Variants in PNISR observed in about 807,000 individuals in gnomAD.
PNISR encodes the protein arginine/serine-rich protein PNISR.
PNISR carries 20 observed loss-of-function variants against 93.4 expected under a neutral mutation model. The observed-to-expected ratio is 0.21, with a 90% CI of 0.15 to 0.31. The LOEUF (loss-of-function observed/expected upper bound fraction) is 0.31. PNISR is among the 10% of genes least tolerant of loss of function. The pLI is 1.00. For synonymous variants in PNISR, 305 were observed against 306.5 expected, an observed-to-expected ratio of 0.99 and a Z score of 0.05; for missense variants, 893 against 985.4, an observed-to-expected ratio of 0.91 and a Z score of 1.25.
At position 99,410,785 on chromosome 6, in the gene PNISR, G is replaced by T; in HGVS notation, c.457C>A (p.Pro153Thr). 1 of 1,614,054 alleles carries T rather than the reference G, an allele frequency of 6.2e-7. No homozygotes were observed. Among genetic ancestry groups the T allele is most frequent in the Non-Finnish European group, 8.5e-7 (1 of 1,179,982 alleles). Residue 153 changes from proline to threonine, a missense_variant, in exon 5 of 12, where the codon CCC becomes ACC. Transcript: ENST00000369239. Reference sequence around the variant, plus strand: ...ACTGGCCCCACTGCAAAATTATCGGGTGGTCCACCAAAGTTGTGATTGTTC... The same window carrying T: ...ACTGGCCCCACTGCAAAATTATCGGTTGGTCCACCAAAGTTGTGATTGTTC... The part of the protein sequence containing the change: ...NQNNHNFGGP[P>T]DNFAVGPVNQ...
intron 8 of PNISR, among the ~76,000 whole-genome samples, 158 bp from the exon 9 acceptor site, chr6:99,404,860 C>T (rs1775955947): frequency 6.6e-6 from 1 of 152,006 alleles, no homozygotes; most frequent in Non-Finnish European, 1.5e-5. Flanking sequence ...CTCACTGCAA[C>T]CCCTACCTCC....
At chr6:99,402,824 A>G (rs1296108574) in intron 10 of PNISR, 114 bp from the exon 11 acceptor site, 29 of 756,998 alleles carry the variant, frequency 3.8e-5, no homozygotes, top group Admixed American at 2.7e-5. Flanking sequence ...TCCCAGAAGA[A>G]TACGCTTATT....
chr6:99,400,662 C>G lies in PNISR; in HGVS notation c.2296G>C (p.Gly766Arg). 2 of 1,613,944 alleles carry G rather than the reference C, an allele frequency of 1.2e-6. No individual in the cohort carries two copies. The highest frequency in any genetic ancestry group is 2.7e-5 in the African/African-American group (2 of 75,024). The change falls in exon 12 of 12, where the codon GGA (glycine) becomes CGA (arginine). Residue 766 changes from glycine to arginine, a missense_variant. Gly to Arg is a moderately radical substitution (Grantham distance 125, BLOSUM62 -2). Around this residue, in one of 3 missense-constraint regions of PNISR, gnomAD observed 866 missense variants for 935.1 expected, o/e 0.93. Coordinates refer to ENST00000369239, the MANE Select transcript of PNISR (RefSeq NM_032870.4). ...TTAGCCTTCTTTTCTTTGCTACTTC[C>G]TGGAGACTCAGAACTGCTCCTTCCA... ...SSGRSSSESP[G>R]SSKEKKAKKP... is the part of the protein sequence containing the mutation.
rs529110652 is a variant in PNISR, at chr6:99,399,300, G to T, written c.*1240C>A. 2 of 152,192 alleles carry T rather than the reference G, an allele frequency of 1.3e-5. No homozygotes were observed. Among genetic ancestry groups the T allele is most frequent in the Admixed American group, 6.5e-5 (1 of 15,294 alleles). 9.4% of individuals were successfully genotyped at this position (152,192 alleles called of 1,614,324 possible). A position where few individuals can be genotyped will look rare whatever the true frequency, so the allele number is the denominator to read the frequency against. On this transcript the variant is annotated 3_prime_UTR_variant, in exon 12 of 12. Coordinates refer to ENST00000369239, the MANE Select transcript of PNISR (RefSeq NM_032870.4). Reference sequence around the variant, plus strand: ...ATGCTTTGAGAGCCCCATTCTACTTGTAAGTTATCAATGCCTTAAACTGTT... The same window carrying T: ...ATGCTTTGAGAGCCCCATTCTACTTTTAAGTTATCAATGCCTTAAACTGTT...
chr6:99,416,170 T>C, intron 2 of PNISR, 179 bp downstream of exon 2: 2 of 383,358 alleles, frequency 5.2e-6, no homozygotes, highest in Non-Finnish European at 9.2e-6. Context: ...CTCTGTTCAG[T>C]GTTTCCTTCT....
At chr6:99,418,601 T>C (rs1272386415) in intron 1 of PNISR, among the ~76,000 whole-genome samples, 4 of 152,190 alleles carry the variant, frequency 2.6e-5, no homozygotes, top group African/African-American at 9.7e-5. Context: ...CCCCAAAGTT[T>C]TGATGGAAGC....
At chr6:99,413,391 TATCCATCCATCC>T (rs34008318) in intron 3 of PNISR, among the ~76,000 whole-genome samples, 1,640 of 149,614 alleles carry the variant, frequency 0.011, 13 homozygotes, top group Non-Finnish European at 0.015. Context: ...TTTACGTATC[TATCCATCCATCC>T]ATCCATCCAT....
Position 99,400,980 on chromosome 6 carries a change from C to T in PNISR, c.1978G>A (p.Ala660Thr), listed in dbSNP as rs769375358. The change falls in exon 12 of 12, where the codon GCT (alanine) becomes ACT (threonine). Residue 660 changes from alanine (A) to threonine (T), a missense_variant. By Grantham distance (58) the Ala-to-Thr change is moderately conservative. Coordinates refer to ENST00000369239, the MANE Select transcript of PNISR (RefSeq NM_032870.4). ...SGNSHKHKGEAKEQERKKERS... is the reference protein window; with the variant it reads ...SGNSHKHKGETKEQERKKERS... ...TCCTTTTTCCTCTCTTGTTCTTTAG[C>T]CTCACCTTTATGCTTATGACTGTTC... 1 of 1,611,826 alleles carries T rather than the reference C, an allele frequency of 6.2e-7. No individual in the cohort carries two copies. Among genetic ancestry groups the T allele is most frequent in the South Asian group, 1.1e-5 (1 of 91,014 alleles).
intron 6 of PNISR, among the ~76,000 whole-genome samples, chr6:99,408,613 A>G (rs1776452968): frequency 6.6e-6 from 1 of 152,230 alleles, no homozygotes; most frequent in South Asian, 2.1e-4. Context: ...TGTAAAAAGT[A>G]AAGATTTATT....
rs769571732 is a variant in PNISR, at chr6:99,408,298, A to G, written c.674-27T>C. 7.6e-6 allele frequency: 11 copies of G among 1,445,210 alleles called. No individual in the cohort carries two copies. In the East Asian group the frequency reaches 2.5e-4, roughly 33 times the overall value. 89.5% of individuals were successfully genotyped at this position (1,445,210 alleles called of 1,614,324 possible). Reference sequence around the variant, plus strand: ...TGTTTCACGTGGGAAAAATATACGCAAGTCAGTTAAGTAAAATATTTCTAC... The same window carrying G: ...TGTTTCACGTGGGAAAAATATACGCGAGTCAGTTAAGTAAAATATTTCTAC... On this transcript the variant is annotated intron_variant, in intron 6 of 11. Transcript: ENST00000369239.
intron 3 of PNISR, among the ~76,000 whole-genome samples, chr6:99,413,441 T>C (rs930842138): frequency 5.3e-5 from 8 of 151,524 alleles, no homozygotes; most frequent in African/African-American, 2.0e-4. Context: ...CATCCATTCA[T>C]CCATGATCCA....
At chr6:99,408,294 A>G (rs1036206616) in intron 6 of PNISR, 23 bp from the exon 7 acceptor site, 1 of 1,533,042 alleles carries the variant, frequency 6.5e-7, no homozygotes, top group African/African-American at 1.4e-5. Flanking sequence ...GGAAAAATAT[A>G]CGCAAGTCAG....
intron 1 of PNISR, among the ~76,000 whole-genome samples, chr6:99,416,929 C>A (rs1054825349): frequency 6.6e-6 from 1 of 152,140 alleles, no homozygotes; most frequent in African/African-American, 2.4e-5. Context: ...CAAATTTATT[C>A]ATCCTTTTAT....
In PNISR at chr6:99,401,314, C is replaced by T. The variant is rs1443276873; in HGVS notation, c.1644G>A (p.Arg548=). The change falls in exon 12 of 12, where the codon CGG becomes CGA. Residue 548 remains arginine (R), a synonymous_variant. Transcript: ENST00000369239. ...TCTTTTTCCTTTTAGGAGAAGAAGA[C>T]CGAGAAGAAGTACGACTACTACCTG... is the stretch of plus-strand genomic sequence containing the variant. ...SSSGSSRTSS[R]SSSPKRKKRH... The T allele has an allele frequency of 5.0e-6, 8 of 1,613,864 alleles. No individual in the cohort carries two copies. The highest frequency in any genetic ancestry group is 6.8e-6 in the Non-Finnish European group (8 of 1,179,992).
At position 99,402,569 on chromosome 6, in the gene PNISR, T is replaced by C. The variant is rs919609438; in HGVS notation, c.1298A>G (p.Gln433Arg). Reference protein sequence around the residue: ...QEAFWRKEKEQQLLHDKQMEE... With the variant: ...QEAFWRKEKERQLLHDKQMEE... ...CATCTGTTTATCATGTAATAGCTGC[T>C]GTTCTTTTTCTTTTCTCCAAAAAGC... Residue 433 changes from glutamine (Q) to arginine (R), a missense_variant, in exon 11 of 12, where the codon CAG (glutamine) becomes CGG (arginine). Gln to Arg is a conservative substitution (Grantham distance 43). Around this residue, in one of 3 missense-constraint regions of PNISR, gnomAD observed 866 missense variants for 935.1 expected, o/e 0.93. Transcript: ENST00000369239. 7 of 1,613,652 alleles carry C rather than the reference T, an allele frequency of 4.3e-6. No individual in the cohort carries two copies. The highest frequency in any genetic ancestry group is 5.9e-6 in the Non-Finnish European group (7 of 1,179,664).
In PNISR at chr6:99,404,593, C is replaced by G; in HGVS notation, c.1102+10G>C. 6.6e-7 allele frequency: 1 copy of G among 1,513,480 alleles called. No individual in the cohort carries two copies. The highest frequency in any genetic ancestry group is 9.2e-7 in the Non-Finnish European group (1 of 1,088,512). 93.8% of individuals were successfully genotyped at this position (1,513,480 alleles called of 1,614,324 possible). On this transcript the variant is annotated intron_variant, in intron 9 of 11. Transcript: ENST00000369239. ...CCAGGAAAAGCAAAACCAGAAACAC[C>G]AAAATATACCTTTCGTTGCTTTGCG...
chr6:99,404,317 A>G, intron 9 of PNISR: 1 of 430,890 alleles, frequency 2.3e-6, no homozygotes, highest in Non-Finnish European at 4.2e-6. Flanking sequence ...CATGTTATCT[A>G]TTAAAAAAAA....
chr6:99,401,016 T>C lies in PNISR; in HGVS notation c.1942A>G (p.Asn648Asp), dbSNP rs1199896884. The change falls in exon 12 of 12, where the codon AAT becomes GAT. Residue 648 changes from asparagine (N) to aspartate (D), a missense_variant. This residue lies in a region of PNISR where 866 missense variants were observed against 935.1 expected (regional missense o/e 0.93). Coordinates refer to ENST00000369239, the MANE Select transcript of PNISR (RefSeq NM_032870.4). ...TGCTTATGACTGTTCCCACTAAGAT[T>C]TCCACGTTGATCATCAATTTTACGC... ...DRRKIDDQRG[N>D]LSGNSHKHKG... 1 of 1,613,912 alleles carries C rather than the reference T, an allele frequency of 6.2e-7. No individual in the cohort carries two copies. The highest frequency in any genetic ancestry group is 2.2e-5 in the East Asian group (1 of 44,874).
chr6:99,408,063 GT>G lies in PNISR; in HGVS notation c.864+17del. Reference sequence around the variant, plus strand: ...CCAAGATTTTCACATGGAGTTTCATGTTGGGGATTCTACTTACAAATTTACT... The same window carrying G: ...CCAAGATTTTCACATGGAGTTTCATGTGGGGATTCTACTTACAAATTTACT... On this transcript the variant is annotated intron_variant, in intron 7 of 11. Transcript: ENST00000369239. 6.5e-7 allele frequency: 1 copy of G among 1,548,564 alleles called. No homozygotes were observed. The highest frequency in any genetic ancestry group is 8.7e-7 in the Non-Finnish European group (1 of 1,143,708).
Sources: gnomAD v4.1 joint callset for allele counts (sites outside exome capture counted in the v4.1 genomes callset) on GRCh38, gnomAD v4.1.1 for gene constraint, gnomAD v4.1.1 regional missense constraint, MANE v1.5 for transcripts, NCBI Gene and HGNC (gene_info 2026-07-23, HGNC 2026-07-21) for gene names.